Variants in HEATR5A observed in about 807,000 individuals in gnomAD.
HEATR5A encodes the protein HEAT repeat containing 5A.
In HEATR5A, 178 loss-of-function variants were observed where a neutral mutation model predicts 218.8. The ratio of observed to expected loss-of-function variants is 0.81; its 90% CI spans 0.72 to 0.92. The LOEUF is 0.92. Among genes scored for constraint, HEATR5A ranks in the 40% least tolerant of loss-of-function variants. The probability of loss-of-function intolerance (pLI) is 0.00; values close to 1 mark genes in which losing one functional copy is unlikely to be tolerated. For missense variants in HEATR5A, 2,420 were observed against 2,418.9 expected, an observed-to-expected ratio of 1.00 and a Z score of -0.01; for synonymous variants, 864 against 871.6, an observed-to-expected ratio of 0.99 and a Z score of 0.15.
intron 21 of HEATR5A, among the ~76,000 whole-genome samples, chr14:31,339,690 C>T (rs1900782643): frequency 6.6e-6 from 1 of 151,862 alleles, no homozygotes; most frequent in Non-Finnish European, 1.5e-5. Flanking sequence ...GTATTATGAA[C>T]CCAAAAGTGG....
intron 23 of HEATR5A, among the ~76,000 whole-genome samples, chr14:31,324,397 A>C (rs1302167151): frequency 6.6e-6 from 1 of 152,252 alleles, no homozygotes; most frequent in African/African-American, 2.4e-5. Context: ...TAACAACTGA[A>C]AATGGAACTA....
intron 1 of HEATR5A, among the ~76,000 whole-genome samples, chr14:31,414,418 G>T (rs1255535514): frequency 6.6e-6 from 1 of 152,136 alleles, no homozygotes. Flanking sequence ...TCTAGATAGA[G>T]AAACACATTA....
intron 25 of HEATR5A, 50 bp downstream of exon 25, chr14:31,321,448 AC>A: frequency 7.0e-7 from 1 of 1,419,446 alleles, no homozygotes; most frequent in East Asian, 2.5e-5. Context: ...GGCCTCATAG[AC>A]TTTTTATCTG....
rs78675781 is a variant in HEATR5A at position 31,399,738 on chromosome 14, G to A, written c.338+563C>T. Among the ~76,000 whole-genome samples the A allele has an allele frequency of 2.3e-3, 344 of 152,294 alleles. 2 individuals are homozygous for A. Among genetic ancestry groups the A allele is most frequent in the African/African-American group, 7.5e-3 (312 of 41,554 alleles). On this transcript the variant is annotated intron_variant, in intron 3 of 35. Coordinates refer to ENST00000543095, the MANE Select transcript of HEATR5A (RefSeq NM_015473.4). ...CCAGCTACTTGGGAGGCTAAGACAG[G>A]GGAATCGCTCGAACCCAGGAGGCAG...
At chr14:31,327,844 T>C (rs1900321305) in intron 22 of HEATR5A, among the ~76,000 whole-genome samples, 1 of 152,230 alleles carries the variant, frequency 6.6e-6, no homozygotes, top group African/African-American at 2.4e-5. Flanking sequence ...CTATTACCTT[T>C]AATTCTGAAA....
At position 31,326,301 on chromosome 14, in the gene HEATR5A, T is replaced by C. The variant is rs772914151; in HGVS notation, c.3409A>G (p.Ile1137Val). Residue 1137 changes from isoleucine to valine, a missense_variant, in exon 23 of 36, where the codon ATC becomes GTC. Transcript: ENST00000543095. ...TCATCTGTCTCCTTGTCTAGTAAGA[T>C]CAACAATGCCCCCTCAAGGCCAACT... Reference protein sequence around the residue: ...REVGLEGALLILLDKETDERL... With the variant: ...REVGLEGALLVLLDKETDERL... 1.2e-6 allele frequency: 2 copies of C among 1,613,404 alleles called. No individual in the cohort carries two copies. The highest frequency in any genetic ancestry group is 1.7e-6 in the Non-Finnish European group (2 of 1,179,604).
At position 31,414,426 on chromosome 14, in the gene HEATR5A, TTAAAAG is replaced by T. The variant is rs1445606078; in HGVS notation, c.-75+6040_-75+6045del. Among the ~76,000 whole-genome samples, 7 of 152,228 alleles carry T rather than the reference TTAAAAG, an allele frequency of 4.6e-5. No individual in the cohort carries two copies. In the East Asian group the frequency reaches 1.2e-3, roughly 25 times the overall value. On this transcript the variant is annotated intron_variant, in intron 1 of 35. Transcript: ENST00000543095. Reference sequence around the variant, plus strand: ...TTTGGATTCTAGATAGAGAAACACATTAAAAGTAAAAGAGCAAACCCACTAAGAGCA... The same window carrying T: ...TTTGGATTCTAGATAGAGAAACACATTAAAAGAGCAAACCCACTAAGAGCA...
chr14:31,351,957 T>C (rs1372710228), intron 16 of HEATR5A, among the ~76,000 whole-genome samples: 2 of 152,156 alleles, frequency 1.3e-5, no homozygotes, highest in African/African-American at 4.8e-5. Flanking sequence ...AATTTCATTA[T>C]ATACACATAC....
intron 14 of HEATR5A, among the ~76,000 whole-genome samples, chr14:31,359,693 C>A (rs533890085): frequency 1.4e-5 from 2 of 141,342 alleles, no homozygotes; most frequent in African/African-American, 5.4e-5. Context: ...CCACTGCACT[C>A]CAGCCTGGGC....
intron 1 of HEATR5A, among the ~76,000 whole-genome samples, chr14:31,415,642 A>T (rs534937359): frequency 6.6e-6 from 1 of 152,258 alleles, no homozygotes; most frequent in East Asian, 1.9e-4. Context: ...TTTCCTCCCA[A>T]AATAGTTTTT....
chr14:31,391,841 T>C (rs1435929006), intron 6 of HEATR5A, among the ~76,000 whole-genome samples: 2 of 152,180 alleles, frequency 1.3e-5, no homozygotes, highest in African/African-American at 4.8e-5. Flanking sequence ...GCTGTAGAGG[T>C]GTGTAGTCTA....
intron 16 of HEATR5A, among the ~76,000 whole-genome samples, chr14:31,353,574 A>G (rs1016064178): frequency 1.3e-5 from 2 of 151,884 alleles, no homozygotes; most frequent in Non-Finnish European, 2.9e-5. Context: ...TATCTCCACT[A>G]AAAAGAAAAA....
chr14:31,298,571 C>T (rs1354407120), intron 33 of HEATR5A, among the ~76,000 whole-genome samples: 1 of 152,148 alleles, frequency 6.6e-6, no homozygotes, highest in Non-Finnish European at 1.5e-5. Context: ...GCTGGGATTA[C>T]AGGAGTGAGC....
intron 32 of HEATR5A, among the ~76,000 whole-genome samples, chr14:31,304,335 C>T (rs1176943205): frequency 2.0e-5 from 3 of 152,212 alleles, no homozygotes; most frequent in Admixed American, 2.0e-4. Context: ...CATGCCCAAG[C>T]ACTAATAATT....
chr14:31,358,712 G>C lies in HEATR5A; in HGVS notation c.2336C>G (p.Pro779Arg), dbSNP rs1368082915. 1.9e-6 allele frequency: 3 copies of C among 1,613,762 alleles called. No individual in the cohort carries two copies. In the African/African-American group the frequency reaches 4.0e-5, roughly 22 times the overall value. The change falls in exon 16 of 36, where the codon CCT becomes CGT. Residue 779 changes from proline to arginine, a missense_variant. Transcript: ENST00000543095. ...VEGDSVPKPL[P>R]PALSVISSAS... is the part of the protein sequence containing the mutation. The stretch of plus-strand genomic sequence containing the variant: ...AGAACTAATAACTGATAGTGCTGGA[G>C]GTAAGGGCTTAGGCACTGAATCTCC...
intron 21 of HEATR5A, among the ~76,000 whole-genome samples, chr14:31,338,320 G>T (rs1472550752): frequency 6.6e-6 from 1 of 152,106 alleles, no homozygotes; most frequent in Non-Finnish European, 1.5e-5. Flanking sequence ...AACATACAAA[G>T]TAAATGCATT....
rs577497140 is a variant in HEATR5A at position 31,344,268 on chromosome 14, C to CTTTTTTTTTTTTTTTTTTTTTTT, written c.3059-226_3059-204dup. ...GTTACAGATTGTTAGATTAGTTATT[C>CTTTTTTTTTTTTTTTTTTTTTTT]TTTTTTTTTTTTTTTTTTTTTTTTT... is the stretch of plus-strand genomic sequence containing the variant. On this transcript the variant is annotated intron_variant, in intron 20 of 35. Transcript: ENST00000543095. 2.6e-4 allele frequency among the ~76,000 whole-genome samples: 13 copies of CTTTTTTTTTTTTTTTTTTTTTTT among 50,830 alleles called. 4 individuals are homozygous for CTTTTTTTTTTTTTTTTTTTTTTT. The highest frequency in any genetic ancestry group is 1.1e-3 in the South Asian group (1 of 896). The allele number at this position is 50,830 out of a possible 152,430, so 33.3% of individuals were successfully genotyped here.
rs1276320921 is a variant in HEATR5A, at chr14:31,315,808, T to C, written c.4180A>G (p.Thr1394Ala). 1.2e-5 allele frequency: 20 copies of C among 1,612,676 alleles called. No individual in the cohort carries two copies. The highest frequency in any genetic ancestry group is 1.7e-5 in the Admixed American group (1 of 59,834). ...TTAAGCACAGCTAAGATCTCCATGGTAGAAGCACTTTCATTATATAAGTGA... is the reference window on the plus strand; with the variant it reads ...TTAAGCACAGCTAAGATCTCCATGGCAGAAGCACTTTCATTATATAAGTGA... ...LSHLYNESASTMEILAVLKAW... is the reference protein window; with the variant it reads ...LSHLYNESASAMEILAVLKAW... Residue 1394 changes from threonine (T) to alanine (A), a missense_variant, in exon 27 of 36, where the codon ACC (threonine) becomes GCC (alanine). Physicochemically the swap from Thr to Ala is moderately conservative, Grantham distance 58 (BLOSUM62 0). Coordinates refer to ENST00000543095, the MANE Select transcript of HEATR5A (RefSeq NM_015473.4).
chr14:31,325,347 T>A (rs184401631), intron 23 of HEATR5A, among the ~76,000 whole-genome samples: 3 of 152,318 alleles, frequency 2.0e-5, no homozygotes, highest in Admixed American at 1.3e-4. Flanking sequence ...ATAACAGTTT[T>A]CTAATACTAC....
Sources: allele counts gnomAD v4.1 joint callset (sites outside exome capture counted in the v4.1 genomes callset), GRCh38; gene constraint gnomAD v4.1.1; transcripts MANE v1.5; gene names NCBI Gene and HGNC (gene_info 2026-07-23, HGNC 2026-07-21).